GAS7: variants seen among roughly 807,000 people sequenced by gnomAD.
The protein encoded by GAS7 is growth arrest specific 7.
A neutral mutation model predicts 71.1 loss-of-function variants in GAS7; 28 were observed. The ratio of observed to expected loss-of-function variants is 0.39; its 90% CI spans 0.29 to 0.54. The LOEUF (loss-of-function observed/expected upper bound fraction) is 0.54. Among genes scored for constraint, GAS7 ranks in the 20% least tolerant of loss-of-function variants. The pLI, the probability that GAS7 is intolerant of heterozygous loss-of-function variation, is 0.62. For synonymous variants in GAS7, 258 were observed against 245.8 expected, an observed-to-expected ratio of 1.05 and a Z score of -0.46; for missense variants, 436 against 627.8, an observed-to-expected ratio of 0.69 and a Z score of 3.27.
At position 9,940,136 on chromosome 17, in the gene GAS7, G is replaced by C; in HGVS notation, c.796C>G (p.Gln266Glu). 1 of 1,590,050 alleles carries C rather than the reference G, an allele frequency of 6.3e-7. No homozygotes were observed. Among genetic ancestry groups the C allele is most frequent in the East Asian group, 2.2e-5 (1 of 44,756 alleles). ...CTCCTACCCACTCACCCTTCCTCCT[G>C]TGAAGCCAAGGAGTTCTGAGAGAGC... ...AKLSQNSLAS[Q>E]EEGSLGEAWA... is the part of the protein sequence containing the mutation. The change falls in exon 8 of 14, where the codon CAG (glutamine) becomes GAG (glutamate). Residue 266 changes from glutamine to glutamate, a missense_variant. Coordinates refer to ENST00000432992, the MANE Select transcript of GAS7 (RefSeq NM_201433.2).
In GAS7 at chr17:9,987,089, G is replaced by A. The variant is rs933527349; in HGVS notation, c.305-5205C>T. On this transcript the variant is annotated intron_variant, in intron 2 of 13. Transcript: ENST00000432992. ...GACCAAGTCACAGTAAGACTGAAGC[G>A]GCAGCTCCAGGCCTCAAGAGATGCT... Among the ~76,000 whole-genome samples, 13 of 152,174 alleles carry A rather than the reference G, an allele frequency of 8.5e-5. 1 individual carries two copies. The highest frequency in any genetic ancestry group is 1.7e-4 in the African/African-American group (7 of 41,442).
intron 2 of GAS7, among the ~76,000 whole-genome samples, chr17:10,007,793 T>C (rs184177363): frequency 7.2e-5 from 11 of 152,268 alleles, no homozygotes; most frequent in Admixed American, 5.9e-4. Flanking sequence ...TGGTTTTTGG[T>C]GTAGTTGCAG....
chr17:10,049,609 CTTTTTTTTTT>C (rs1168627510), intron 1 of GAS7, among the ~76,000 whole-genome samples: 5 of 70,396 alleles, frequency 7.1e-5, no homozygotes, highest in Admixed American at 1.8e-4. Context: ...GAAATTACTT[CTTTTTTTTTT>C]TTTTTTTTTT....
intron 1 of GAS7, among the ~76,000 whole-genome samples, chr17:10,186,402 C>CTTTTTTT (rs71139025): frequency 3.1e-5 from 4 of 128,114 alleles, no homozygotes; most frequent in African/African-American, 9.0e-5. Context: ...TATTCAAAGG[C>CTTTTTTT]TTTTTTTTTT....
intron 1 of GAS7, among the ~76,000 whole-genome samples, chr17:10,096,751 C>G (rs929455835): frequency 2.6e-5 from 4 of 152,260 alleles, no homozygotes; most frequent in Non-Finnish European, 5.9e-5. Flanking sequence ...CAGTCTGGAG[C>G]TGCCAGCTTC....
chr17:9,967,426 T>C (rs996913885), intron 4 of GAS7, among the ~76,000 whole-genome samples: 2 of 146,098 alleles, frequency 1.4e-5, no homozygotes, highest in Non-Finnish European at 1.5e-5. Flanking sequence ...GCACCCCCCC[T>C]CCCCAGGCGT....
chr17:9,924,055 A>G (rs1449595470), intron 11 of GAS7, among the ~76,000 whole-genome samples: 1 of 152,266 alleles, frequency 6.6e-6, no homozygotes, highest in Non-Finnish European at 1.5e-5. Context: ...TCAAATGTAT[A>G]TAAATTTAAA....
intron 1 of GAS7, among the ~76,000 whole-genome samples, chr17:10,101,536 G>T (rs2152261298): frequency 6.6e-6 from 1 of 152,324 alleles, no homozygotes; most frequent in Admixed American, 6.5e-5. Context: ...CATCTTAGAG[G>T]CCACCTAACA....
intron 7 of GAS7, among the ~76,000 whole-genome samples, chr17:9,942,595 T>C (rs1166971645): frequency 6.6e-6 from 1 of 152,234 alleles, no homozygotes; most frequent in African/African-American, 2.4e-5. Flanking sequence ...CAACATCTCC[T>C]GCCCTGGGAC....
rs376240287 is a variant in GAS7 at position 10,073,576 on chromosome 17, G to A, written c.184-53679C>T. On this transcript the variant is annotated intron_variant, in intron 1 of 13. Transcript: ENST00000432992. ...GTTAGAAATGCAGCATCTGCGCCCC[G>A]CTCCCCTCAAGACCTCCTACATCAG... 4.6e-5 allele frequency among the ~76,000 whole-genome samples: 7 copies of A among 152,236 alleles called. 1 individual carries two copies. The highest frequency in any genetic ancestry group is 4.1e-4 in the South Asian group (2 of 4,826).
chr17:10,126,458 G>C (rs956357241), intron 1 of GAS7, among the ~76,000 whole-genome samples: 1 of 147,108 alleles, frequency 6.8e-6, no homozygotes. Context: ...GCGCGCACAC[G>C]CACTCATGCA....
chr17:10,017,502 T>C (rs1490493098), intron 2 of GAS7, among the ~76,000 whole-genome samples: 1 of 152,036 alleles, frequency 6.6e-6, no homozygotes, highest in East Asian at 1.9e-4. Flanking sequence ...ATAATTTTGA[T>C]ATTTTTAGTA....
At chr17:9,964,194 C>T (rs2069613486) in intron 4 of GAS7, among the ~76,000 whole-genome samples, 1 of 152,130 alleles carries the variant, frequency 6.6e-6, no homozygotes. Context: ...ATCTCTGCAT[C>T]ACCCTGAGGC....
chr17:9,966,030 G>A (rs1387266758), intron 4 of GAS7, among the ~76,000 whole-genome samples: 2 of 130,780 alleles, frequency 1.5e-5, no homozygotes, highest in South Asian at 2.3e-4. Context: ...ATGGAGTCTC[G>A]CTCTGTCGCC....
intron 1 of GAS7, among the ~76,000 whole-genome samples, chr17:10,060,860 G>A (rs1679829045): frequency 6.6e-6 from 1 of 152,174 alleles, no homozygotes; most frequent in Non-Finnish European, 1.5e-5. Context: ...AACCAGGGGC[G>A]ACTTTGTCCC....
chr17:10,063,802 C>T (rs2073246572), intron 1 of GAS7, among the ~76,000 whole-genome samples: 1 of 152,178 alleles, frequency 6.6e-6, no homozygotes, highest in Non-Finnish European at 1.5e-5. Context: ...GGGTCACCCT[C>T]CCTGGTCAAA....
At chr17:10,117,031 T>G (rs1423490799) in intron 1 of GAS7, among the ~76,000 whole-genome samples, 2 of 152,100 alleles carry the variant, frequency 1.3e-5, no homozygotes. Flanking sequence ...CAATGAAAAT[T>G]TATTATCTTA....
chr17:10,144,157 G>A (rs2074104476), intron 1 of GAS7, among the ~76,000 whole-genome samples: 1 of 152,138 alleles, frequency 6.6e-6, no homozygotes, highest in Non-Finnish European at 1.5e-5. Flanking sequence ...AGGACTGTGG[G>A]GTACAGAGAA....
chr17:10,175,406 A>T (rs2074366782), intron 1 of GAS7, among the ~76,000 whole-genome samples: 1 of 152,036 alleles, frequency 6.6e-6, no homozygotes, highest in South Asian at 2.1e-4. Context: ...TTATTTCCTC[A>T]CAGTTCTAGA....
Sources: allele counts gnomAD v4.1 joint callset (sites outside exome capture counted in the v4.1 genomes callset), GRCh38; gene constraint gnomAD v4.1.1; transcripts MANE v1.5; gene names NCBI Gene and HGNC (gene_info 2026-07-23, HGNC 2026-07-21).